The following EML5 variants were observed in gnomAD, a reference collection of about 807,000 sequenced individuals.
EML5 encodes EMAP like 5.
In EML5, 120 loss-of-function variants were observed where a neutral mutation model predicts 250.0. That is an observed-to-expected ratio of 0.48 (90% CI 0.41 to 0.56). The LOEUF (loss-of-function observed/expected upper bound fraction) is 0.56, where lower values mean the gene tolerates loss of function less well. Among genes scored for constraint, EML5 ranks in the 20% least tolerant of loss-of-function variants. The pLI is 0.00. For missense variants in EML5, 2,006 were observed against 2,437.6 expected (o/e 0.82, Z 3.73); for synonymous variants, 771 against 806.5 (o/e 0.96, Z 0.75).
rs1595238831 is a variant in EML5 at position 88,624,850 on chromosome 14, T to A, written c.4898+120A>T. ...CATAAAAGGTAATAAAGGAGAAGCA[T>A]ATGAGGAGGAAGGTCGGAGAGGACA... is the stretch of plus-strand genomic sequence containing the variant. On this transcript the variant is annotated intron_variant, in intron 36 of 43. Coordinates refer to ENST00000554922, the MANE Select transcript of EML5 (RefSeq NM_183387.3). 2.9e-6 allele frequency: 3 copies of A among 1,041,554 alleles called. No individual in the cohort carries two copies. In the African/African-American group the frequency reaches 5.0e-5, roughly 17 times the overall value. 64.5% of individuals were successfully genotyped at this position (1,041,554 alleles called of 1,614,324 possible).
At chr14:88,738,702 T>C (rs987917783) in intron 6 of EML5, among the ~76,000 whole-genome samples, 177 bp downstream of exon 6, 1 of 152,142 alleles carries the variant, frequency 6.6e-6, no homozygotes, top group Non-Finnish European at 1.5e-5. Flanking sequence ...CCTAAACTCT[T>C]TACAGGCAAA....
chr14:88,774,183 ACACTT>A (rs1420232130), intron 1 of EML5, among the ~76,000 whole-genome samples: 1 of 152,184 alleles, frequency 6.6e-6, no homozygotes, highest in African/African-American at 2.4e-5. Context: ...ACTGGGCTCT[ACACTT>A]AGAGTTTCTA....
At chr14:88,727,289 T>C (rs2093680912) in intron 7 of EML5, among the ~76,000 whole-genome samples, 1 of 152,144 alleles carries the variant, frequency 6.6e-6, no homozygotes, top group Non-Finnish European at 1.5e-5. Context: ...TTCTGTCAAG[T>C]TGTAAATGTG....
chr14:88,675,531 C>A (rs112928786), intron 21 of EML5, among the ~76,000 whole-genome samples: 126 of 152,322 alleles, frequency 8.3e-4, no homozygotes, highest in African/African-American at 2.8e-3. Context: ...GCCTGGCCCA[C>A]AAAACCATCT....
intron 4 of EML5, among the ~76,000 whole-genome samples, chr14:88,743,560 G>C (rs960232482): frequency 9.9e-5 from 15 of 152,056 alleles, no homozygotes; most frequent in Admixed American, 7.2e-4. Context: ...GGTAACAGCA[G>C]TCACAGTTTT....
Position 88,627,704 on chromosome 14 carries a change from T to C in EML5, c.4473A>G (p.Leu1491=), listed in dbSNP as rs2090110205. 2 of 1,613,604 alleles carry C rather than the reference T, an allele frequency of 1.2e-6. No individual in the cohort carries two copies. Among genetic ancestry groups the C allele is most frequent in the Middle Eastern group, 1.7e-4 (1 of 6,060 alleles). ...CTGGGTCTAGTCCCACAGACAGCAATAGTTTGCCAGTAGCACTGAAGCTGA... is the reference window on the plus strand; with the variant it reads ...CTGGGTCTAGTCCCACAGACAGCAACAGTTTGCCAGTAGCACTGAAGCTGA... ...CSVSFSATGK[L]LLSVGLDPEH... Residue 1491 remains leucine, a synonymous_variant, in exon 34 of 44, where the codon CTA becomes CTG. Transcript: ENST00000554922.
At chr14:88,752,774 T>G (rs1042003815) in intron 2 of EML5, among the ~76,000 whole-genome samples, 6 of 152,064 alleles carry the variant, frequency 3.9e-5, no homozygotes, top group Admixed American at 1.3e-4. Flanking sequence ...CCTGTACCCA[T>G]AAAATCCCCA....
At chr14:88,775,836 C>G (rs2094441869) in intron 1 of EML5, among the ~76,000 whole-genome samples, 1 of 150,660 alleles carries the variant, frequency 6.6e-6, no homozygotes, top group South Asian at 2.1e-4. Flanking sequence ...CAGGTCTGAC[C>G]CAGCACCATC....
intron 29 of EML5, among the ~76,000 whole-genome samples, chr14:88,644,998 G>A (rs2091274936): frequency 1.3e-5 from 2 of 151,360 alleles, no homozygotes; most frequent in Admixed American, 1.3e-4. Context: ...GGGATCAGGA[G>A]TGAGCCACCA....
rs1448360590 is a variant in EML5, at chr14:88,705,470, A to G, written c.1932+12T>C. On this transcript the variant is annotated intron_variant, in intron 12 of 43. Transcript: ENST00000554922. ...ACTTTTTAGAGAAAAACCATGTGAT[A>G]TGGAAAATTACCTGTCGACGGTAGG... The G allele has an allele frequency of 6.4e-7, 1 of 1,571,896 alleles. No individual in the cohort carries two copies.
At chr14:88,617,958 T>C (rs779278041) in intron 41 of EML5, 14 of 257,884 alleles carry the variant, frequency 5.4e-5, no homozygotes, top group Non-Finnish European at 8.1e-5. Context: ...GTCATTAAAT[T>C]TAGCATTAAG....
At chr14:88,757,784 CTCTT>C (rs888561338) in intron 1 of EML5, among the ~76,000 whole-genome samples, 6 of 151,152 alleles carry the variant, frequency 4.0e-5, no homozygotes, top group African/African-American at 1.5e-4. Context: ...TTTTTTCTTT[CTCTT>C]TCTTTCCCTC....
In EML5 at chr14:88,715,130, G is replaced by A; in HGVS notation, c.1253C>T (p.Pro418Leu). The change falls in exon 9 of 44, where the codon CCA (proline) becomes CTA (leucine). Residue 418 changes from proline (P) to leucine (L), a missense_variant. By Grantham distance (98) the Pro-to-Leu change is moderately conservative. This residue lies in a region of EML5 where 1,375 missense variants were observed against 1,590.3 expected (regional missense o/e 0.86). Coordinates refer to ENST00000554922, the MANE Select transcript of EML5 (RefSeq NM_183387.3). ...TCCAACAGCAAGGTAAGTTCCATCT[G>A]GTGAATATTTTAACTCATGAATTGC... ...KEAIHELKYS[P>L]DGTYLAVGCN... The A allele has an allele frequency of 6.2e-7, 1 of 1,612,174 alleles. No homozygotes were observed. Among genetic ancestry groups the A allele is most frequent in the Non-Finnish European group, 8.5e-7 (1 of 1,178,968 alleles).
intron 17 of EML5, among the ~76,000 whole-genome samples, chr14:88,688,736 A>T (rs2141253422): frequency 6.6e-6 from 1 of 152,344 alleles, no homozygotes; most frequent in East Asian, 1.9e-4. Flanking sequence ...GATGTTTTTT[A>T]AAGTTTTTAT....
In EML5 at chr14:88,704,900, G is replaced by C. The variant is rs564761258; in HGVS notation, c.2011C>G (p.Arg671Gly). ...AATCGAATACTATTTCCTGGAGCCC[G>C]CTCTCTTCTTTTAGAAGTAGCACTT... ...QKSATSKRRE[R>G]APGNSIRLHF... The change falls in exon 13 of 44, where the codon CGG (arginine) becomes GGG (glycine). Residue 671 changes from arginine to glycine, a missense_variant. Physicochemically the swap from Arg to Gly is moderately radical, Grantham distance 125 (BLOSUM62 -2). Transcript: ENST00000554922. 1 of 1,612,956 alleles carries C rather than the reference G, an allele frequency of 6.2e-7. No individual in the cohort carries two copies. The highest frequency in any genetic ancestry group is 2.2e-5 in the East Asian group (1 of 44,790).
At chr14:88,628,278 A>G (rs186607408) in intron 33 of EML5, among the ~76,000 whole-genome samples, 3 of 152,282 alleles carry the variant, frequency 2.0e-5, no homozygotes, top group Non-Finnish European at 2.9e-5. Context: ...GGCAGTAGAT[A>G]GGAAACCACC....
At chr14:88,764,375 T>C (rs2094292360) in intron 1 of EML5, among the ~76,000 whole-genome samples, 1 of 152,216 alleles carries the variant, frequency 6.6e-6, no homozygotes, top group Non-Finnish European at 1.5e-5. Context: ...GAATAGTTCA[T>C]TTCATCTCAG....
chr14:88,653,202 C>A (rs1225577360), intron 27 of EML5, among the ~76,000 whole-genome samples: 2 of 152,148 alleles, frequency 1.3e-5, no homozygotes, highest in African/African-American at 4.8e-5. Flanking sequence ...TGGGCTGAGA[C>A]AATAGAGTTT....
rs921064943 is a variant in EML5 at position 88,722,541 on chromosome 14, G to A, written c.1187+4000C>T. Among the ~76,000 whole-genome samples, 14 of 151,200 alleles carry A rather than the reference G, an allele frequency of 9.3e-5. No homozygotes were observed. In the East Asian group the frequency reaches 9.9e-4, roughly 11 times the overall value. On this transcript the variant is annotated intron_variant, in intron 8 of 43. Coordinates refer to ENST00000554922, the MANE Select transcript of EML5 (RefSeq NM_183387.3). ...AGAAAAGCAAACACCACATATTCTC[G>A]TTTATAAGTGGGAGCTGAACAATGA...
Sources: allele counts gnomAD v4.1 joint callset (sites outside exome capture counted in the v4.1 genomes callset), GRCh38; gene constraint gnomAD v4.1.1; regional missense constraint gnomAD v4.1.1; transcripts MANE v1.5; gene names NCBI Gene and HGNC (gene_info 2026-07-23, HGNC 2026-07-21).